UCHL5: variants seen among roughly 807,000 people sequenced by gnomAD.
UCHL5 encodes the protein ubiquitin carboxyl-terminal hydrolase isozyme L5.
In UCHL5, 34 loss-of-function variants were observed where a neutral mutation model predicts 53.8. The ratio of observed to expected loss-of-function variants is 0.63; its 90% CI spans 0.48 to 0.84. The LOEUF (loss-of-function observed/expected upper bound fraction) is 0.84, where lower values mean the gene tolerates loss of function less well. Ranked by LOEUF, UCHL5 falls within the 40% of genes least tolerant of loss-of-function variation. The pLI is 0.00. For missense variants in UCHL5, 290 were observed against 385.6 expected, an observed-to-expected ratio of 0.75 and a Z score of 2.08; for synonymous variants, 111 against 126.3, an observed-to-expected ratio of 0.88 and a Z score of 0.81.
intron 3 of UCHL5, among the ~76,000 whole-genome samples, chr1:193,043,316 TC>T (rs1666331962): frequency 6.6e-6 from 1 of 152,114 alleles, no homozygotes; most frequent in African/African-American, 2.4e-5. Flanking sequence ...ACATTGGTCT[TC>T]TTCCTGTACC....
At chr1:193,059,477 G>T (rs747836649), upstream of UCHL5, 3 of 1,606,512 alleles carry the variant, frequency 1.9e-6, no homozygotes, top group African/African-American at 1.3e-5. This position sits in a 1 kb window ranked among gnomAD's most constrained non-coding sequence, Gnocchi z 4.9. Context: ...CTCTTCCCAG[G>T]CCTTGCAGCA....
At chr1:193,057,096 T>C (rs1248916193) in intron 1 of UCHL5, among the ~76,000 whole-genome samples, 1 of 152,220 alleles carries the variant, frequency 6.6e-6, no homozygotes, top group Non-Finnish European at 1.5e-5. Context: ...GTAAAATATA[T>C]GACTAAATCT....
intron 3 of UCHL5, among the ~76,000 whole-genome samples, chr1:193,044,960 G>T (rs1457138876): frequency 6.6e-6 from 1 of 151,920 alleles, no homozygotes; most frequent in South Asian, 2.1e-4. Context: ...AACACAACTG[G>T]AATAATACAA....
intron 3 of UCHL5, among the ~76,000 whole-genome samples, chr1:193,030,381 C>T (rs1255324697): frequency 6.6e-6 from 1 of 152,196 alleles, no homozygotes; most frequent in East Asian, 1.9e-4. Context: ...GAAGCTGAGG[C>T]ACAAAGAGGT....
At chr1:193,050,755 G>GAA (rs573402885) in intron 2 of UCHL5, among the ~76,000 whole-genome samples, 1 of 125,350 alleles carries the variant, frequency 8.0e-6, no homozygotes, top group Non-Finnish European at 1.7e-5. Flanking sequence ...AAAAGAAAAA[G>GAA]AAAAAAAAAA....
chr1:193,053,703 T>C (rs1341804006), intron 1 of UCHL5, among the ~76,000 whole-genome samples: 1 of 152,074 alleles, frequency 6.6e-6, no homozygotes, highest in Non-Finnish European at 1.5e-5. Flanking sequence ...GTATATAAGA[T>C]TATCAAACAA....
In UCHL5 at chr1:193,023,728, T is replaced by C. The variant is rs573001515; in HGVS notation, c.732+116A>G. ...CCGAATCTAGGCAGCCTGAATCCAG[T>C]GTGTATTCGCTTAGCCACCATTCAG... On this transcript the variant is annotated intron_variant, in intron 8 of 10. Coordinates refer to ENST00000367454, the MANE Select transcript of UCHL5 (RefSeq NM_001199261.3). 30 of 746,362 alleles carry C rather than the reference T, an allele frequency of 4.0e-5. 1 individual carries two copies. The South Asian group carries it at 5.4e-4, about 14-fold the overall frequency. The allele number at this position is 746,362 out of a possible 1,614,324, so 46.2% of individuals were successfully genotyped here. A position where few individuals can be genotyped will look rare whatever the true frequency, so the allele number is the denominator to read the frequency against.
At chr1:193,027,808 T>C (rs972240440) in intron 7 of UCHL5, 1 of 881,764 alleles carries the variant, frequency 1.1e-6, no homozygotes, top group African/African-American at 1.7e-5. Flanking sequence ...ATAGACTTCT[T>C]AAATGCATTA....
intron 1 of UCHL5, among the ~76,000 whole-genome samples, chr1:193,056,289 T>C (rs191233868): frequency 2.6e-4 from 39 of 152,308 alleles, no homozygotes; most frequent in Admixed American, 1.4e-3. Flanking sequence ...AGTGATTCTA[T>C]TGATCTTCCC....
At chr1:193,017,944 C>T (rs1056585526) in intron 10 of UCHL5, among the ~76,000 whole-genome samples, 1 of 151,104 alleles carries the variant, frequency 6.6e-6, no homozygotes, top group African/African-American at 2.4e-5. Flanking sequence ...AATTCAAAGC[C>T]TGTATTTTGG....
chr1:193,058,099 T>A (rs978154167), intron 1 of UCHL5, among the ~76,000 whole-genome samples: 1 of 150,210 alleles, frequency 6.7e-6, no homozygotes, highest in Non-Finnish European at 1.5e-5. Context: ...TGGTGGCGCG[T>A]GCCTGTAATC....
At chr1:193,017,740 T>C (rs1016169331) in intron 10 of UCHL5, among the ~76,000 whole-genome samples, 3 of 151,536 alleles carry the variant, frequency 2.0e-5, no homozygotes, top group Admixed American at 6.6e-5. Flanking sequence ...AGAGTGTCTA[T>C]ACATTTATTA....
intron 7 of UCHL5, among the ~76,000 whole-genome samples, chr1:193,026,905 C>T (rs112601726): frequency 3.3e-5 from 5 of 152,084 alleles, no homozygotes; most frequent in Non-Finnish European, 5.9e-5. Context: ...CCACAGAATA[C>T]CATCTATGAA....
At chr1:193,049,272 G>T (rs923313296) in intron 3 of UCHL5, among the ~76,000 whole-genome samples, 3 of 152,132 alleles carry the variant, frequency 2.0e-5, no homozygotes, top group African/African-American at 7.2e-5. Flanking sequence ...AAAATAGCCT[G>T]GTGTGGTGGT....
chr1:193,029,183 A>G lies in UCHL5; in HGVS notation c.561T>C (p.Asp187=), dbSNP rs1333519058. The change falls in exon 6 of 11, where the codon GAT becomes GAC. Residue 187 remains aspartate, a synonymous_variant. Transcript: ENST00000367454. ...CAGGAACAGGAACTGCATTACCTAA[A>G]TCAATCGGTCCTTCTCTTAATCCAT... is the stretch of plus-strand genomic sequence containing the variant. ...ELDGLREGPI[D]LGACNQDDWI... 1.9e-5 allele frequency: 30 copies of G among 1,612,144 alleles called. No individual in the cohort carries two copies. The highest frequency in any genetic ancestry group is 2.5e-5 in the Non-Finnish European group (29 of 1,179,370).
chr1:193,047,215 T>C (rs913426497), intron 3 of UCHL5, among the ~76,000 whole-genome samples: 1 of 152,190 alleles, frequency 6.6e-6, no homozygotes, highest in African/African-American at 2.4e-5. Flanking sequence ...CCATTATATA[T>C]GTAGTATCTA....
At chr1:193,050,322 A>C (rs1668607905) in intron 2 of UCHL5, among the ~76,000 whole-genome samples, 1 of 152,218 alleles carries the variant, frequency 6.6e-6, no homozygotes, top group Non-Finnish European at 1.5e-5. Context: ...TCTCATACAT[A>C]ATGAAATCAT....
chr1:193,016,109 C>A lies in UCHL5; in HGVS notation c.*242G>T, dbSNP rs944296560. On this transcript the variant is annotated 3_prime_UTR_variant, in exon 11 of 11. Transcript: ENST00000367454. The stretch of plus-strand genomic sequence containing the variant: ...CCAGAAAACTAACAGTTGTCAGACT[C>A]AATGTCAAATAATGGAATTTGGGAA... 9 of 432,604 alleles carry A rather than the reference C, an allele frequency of 2.1e-5. No homozygotes were observed. Among genetic ancestry groups the A allele is most frequent in the African/African-American group, 1.4e-4 (7 of 48,326 alleles). 26.8% of individuals were successfully genotyped at this position (432,604 alleles called of 1,614,324 possible). A position where few individuals can be genotyped will look rare whatever the true frequency, so the allele number is the denominator to read the frequency against.
intron 3 of UCHL5, among the ~76,000 whole-genome samples, chr1:193,037,890 T>TAAAAAAAA (rs71111446): frequency 1.7e-5 from 2 of 118,842 alleles, no homozygotes; most frequent in Non-Finnish European, 3.3e-5. Flanking sequence ...CTTAAAGTAT[T>TAAAAAAAA]AAAAAAAAAA....
Sources: gnomAD v4.1 joint callset for allele counts (sites outside exome capture counted in the v4.1 genomes callset) on GRCh38, gnomAD v4.1.1 for gene constraint, Gnocchi (gnomAD v3.1) non-coding constraint, MANE v1.5 for transcripts, NCBI Gene and HGNC (gene_info 2026-07-23, HGNC 2026-07-21) for gene names.